COL26A1: variants seen among roughly 807,000 people sequenced by gnomAD.
The protein encoded by COL26A1 is collagen alpha-1(XXVI) chain.
Under a neutral mutation model 59.3 loss-of-function variants are expected in COL26A1, and 41 were observed. The observed-to-expected ratio is 0.69, with a 90% CI of 0.54 to 0.90. COL26A1 has a LOEUF of 0.90. Ranked by LOEUF, COL26A1 falls within the 40% of genes least tolerant of loss-of-function variation. The pLI is 0.00. For missense variants in COL26A1, 612 were observed against 602.3 expected (o/e 1.02, Z -0.17); for synonymous variants, 266 against 256.0 (o/e 1.04, Z -0.37).
intron 7 of COL26A1, among the ~76,000 whole-genome samples, chr7:101,546,618 G>A (rs1455083844): frequency 6.6e-6 from 1 of 152,152 alleles, no homozygotes; most frequent in Non-Finnish European, 1.5e-5. Context: ...TTGCCCTGGG[G>A]CCCTGGGTCT....
At chr7:101,424,200 G>A (rs530060676) in intron 2 of COL26A1, among the ~76,000 whole-genome samples, 71 of 151,516 alleles carry the variant, frequency 4.7e-4, no homozygotes, top group African/African-American at 1.7e-3. Flanking sequence ...GACCGTGTCT[G>A]AAAATAAATA....
At chr7:101,543,023 C>A (rs990106456) in intron 5 of COL26A1, among the ~76,000 whole-genome samples, 4 of 152,170 alleles carry the variant, frequency 2.6e-5, no homozygotes, top group Non-Finnish European at 4.4e-5. Context: ...CATGGTGACA[C>A]CTGCAGCCAA....
At chr7:101,411,623 C>G (rs1013619710) in intron 1 of COL26A1, among the ~76,000 whole-genome samples, 3 of 151,994 alleles carry the variant, frequency 2.0e-5, no homozygotes, top group African/African-American at 7.2e-5. Context: ...AGGAGCAAGT[C>G]GGGGTTGAAT....
At chr7:101,528,633 A>G (rs1440569844) in intron 3 of COL26A1, among the ~76,000 whole-genome samples, 1 of 151,554 alleles carries the variant, frequency 6.6e-6, no homozygotes, top group African/African-American at 2.4e-5. Context: ...CTGCAGCCTC[A>G]ACCTTCTGGA....
intron 3 of COL26A1, among the ~76,000 whole-genome samples, chr7:101,455,503 C>CTTTTTTT (rs10690062): frequency 1.0e-3 from 121 of 116,522 alleles, no homozygotes; most frequent in Non-Finnish European, 1.4e-3. Context: ...CTTTTCTTTT[C>CTTTTTTT]TTTTTTTTTT....
chr7:101,522,696 G>T (rs931283917), intron 3 of COL26A1, among the ~76,000 whole-genome samples: 1 of 152,054 alleles, frequency 6.6e-6, no homozygotes, highest in African/African-American at 2.4e-5. Context: ...GTCATAGAGC[G>T]GGCTTATATT....
intron 2 of COL26A1, among the ~76,000 whole-genome samples, chr7:101,434,068 C>G (rs1307788018): frequency 9.4e-6 from 1 of 106,810 alleles, no homozygotes; most frequent in Non-Finnish European, 1.9e-5. Context: ...CTCCCTCCCT[C>G]CCTCCCTCCC....
In COL26A1 at chr7:101,547,116, C is replaced by T. The variant is rs756446428; in HGVS notation, c.857-40C>T. Reference sequence around the variant, plus strand: ...GACCAGCCTCCCAGCACTGCCAGGTCTGCCCCACCAGACCCCTGGCCGCTC... The same window carrying T: ...GACCAGCCTCCCAGCACTGCCAGGTTTGCCCCACCAGACCCCTGGCCGCTC... On this transcript the variant is annotated intron_variant, in intron 7 of 12. Transcript: ENST00000313669. The T allele has an allele frequency of 2.5e-5, 37 of 1,458,420 alleles. No individual in the cohort carries two copies. The South Asian group carries it at 4.5e-4, about 18-fold the overall frequency. The allele number at this position is 1,458,420 out of a possible 1,614,324, so 90.3% of individuals were successfully genotyped here.
intron 11 of COL26A1, among the ~76,000 whole-genome samples, chr7:101,553,772 A>G (rs1162677736): frequency 6.6e-6 from 1 of 152,054 alleles, no homozygotes; most frequent in African/African-American, 2.4e-5. Context: ...TTACAAGGTC[A>G]AGGGTGCTGG....
Position 101,557,540 on chromosome 7 carries a change from G to C in COL26A1, c.*10G>C. On this transcript the variant is annotated 3_prime_UTR_variant, in exon 13 of 13. Transcript: ENST00000313669. ...CAGCAGCAGGAAGTGAGAGCCCACT[G>C]CTCCAGGACACCCTGTCCTGGCTAG... 6.2e-7 allele frequency: 1 copy of C among 1,600,564 alleles called. No individual in the cohort carries two copies. The highest frequency in any genetic ancestry group is 8.5e-7 in the Non-Finnish European group (1 of 1,171,048).
At chr7:101,534,486 A>C (rs1245917399) in intron 4 of COL26A1, among the ~76,000 whole-genome samples, 1 of 152,126 alleles carries the variant, frequency 6.6e-6, no homozygotes, top group African/African-American at 2.4e-5. Flanking sequence ...GGAGACACAC[A>C]TACATATATA....
chr7:101,557,663 T>C lies in COL26A1; in HGVS notation c.*133T>C. ...GGATGATTGTGAGGACATGGGGGGC[T>C]TTGGGGACAGATAATGTCTCCAGGG... On this transcript the variant is annotated 3_prime_UTR_variant, in exon 13 of 13. Coordinates refer to ENST00000313669, the MANE Select transcript of COL26A1 (RefSeq NM_001278563.3). The C allele has an allele frequency of 1.1e-6, 1 of 912,318 alleles. No homozygotes were observed. The highest frequency in any genetic ancestry group is 1.6e-6 in the Non-Finnish European group (1 of 627,158). 56.5% of individuals were successfully genotyped at this position (912,318 alleles called of 1,614,324 possible). A position where few individuals can be genotyped will look rare whatever the true frequency, so the allele number is the denominator to read the frequency against.
intron 3 of COL26A1, among the ~76,000 whole-genome samples, chr7:101,482,002 C>A (rs1480280467): frequency 6.6e-6 from 1 of 151,228 alleles, no homozygotes; most frequent in African/African-American, 2.4e-5. Flanking sequence ...ACACTAATAT[C>A]ATATGTACTC....
Position 101,441,651 on chromosome 7 carries a change from C to T in COL26A1, c.282-6033C>T, listed in dbSNP as rs139775607. Among the ~76,000 whole-genome samples the T allele has an allele frequency of 1.6e-4, 25 of 152,276 alleles. 2 individuals carry two copies. The highest frequency in any genetic ancestry group is 6.0e-4 in the African/African-American group (25 of 41,570). ...CTACTTTTATTGTTCTCATGACCATCTTCATCATTCCAAGTGTGGATTGAA... is the reference window on the plus strand; with the variant it reads ...CTACTTTTATTGTTCTCATGACCATTTTCATCATTCCAAGTGTGGATTGAA... On this transcript the variant is annotated intron_variant, in intron 2 of 12. Transcript: ENST00000313669.
intron 1 of COL26A1, among the ~76,000 whole-genome samples, chr7:101,415,152 C>T (rs952813272): frequency 1.4e-5 from 2 of 146,108 alleles, no homozygotes; most frequent in African/African-American, 4.9e-5. Context: ...ATCATAACCC[C>T]CCCCCTTTTT....
chr7:101,544,297 G>A (rs1051591301), intron 6 of COL26A1, among the ~76,000 whole-genome samples: 2 of 151,988 alleles, frequency 1.3e-5, no homozygotes, highest in East Asian at 1.9e-4. Flanking sequence ...ATGCCATCTC[G>A]GCTCATTGCC....
chr7:101,544,038 C>A lies in COL26A1; in HGVS notation c.645C>A (p.Pro215=). The A allele has an allele frequency of 6.2e-7, 1 of 1,600,080 alleles. No individual in the cohort carries two copies. Among genetic ancestry groups the A allele is most frequent in the East Asian group, 2.3e-5 (1 of 44,382 alleles). Residue 215 remains proline, a synonymous_variant, in exon 6 of 13, where the codon CCC becomes CCA. Transcript: ENST00000313669. The stretch of plus-strand genomic sequence containing the variant: ...CAGGACCACCAGGGCCTGCAGGCCC[C>A]CCCGGGTCTAAAGGTGACCGAGGCC... ...GQTGPPGPAG[P]PGSKGDRGQT...
Position 101,473,345 on chromosome 7 carries a change from G to C in COL26A1, c.385+25558G>C, listed in dbSNP as rs373887791. On this transcript the variant is annotated intron_variant, in intron 3 of 12. Coordinates refer to ENST00000313669, the MANE Select transcript of COL26A1 (RefSeq NM_001278563.3). ...CCCACCTCAGCCTCCCAAAATGCTG[G>C]GATTACAGGCGTGAGCCACTGCGCC... is the stretch of plus-strand genomic sequence containing the variant. Among the ~76,000 whole-genome samples, 31 of 152,128 alleles carry C rather than the reference G, an allele frequency of 2.0e-4. No individual in the cohort carries two copies. The East Asian group carries it at 5.2e-3, about 26-fold the overall frequency.
At chr7:101,387,342 C>T (rs565794945) in intron 1 of COL26A1, among the ~76,000 whole-genome samples, 13 of 148,112 alleles carry the variant, frequency 8.8e-5, no homozygotes, top group African/African-American at 3.0e-4. Flanking sequence ...GTGGTCAGCA[C>T]AGATGTTTAG....
Sources: allele counts gnomAD v4.1 joint callset (sites outside exome capture counted in the v4.1 genomes callset), GRCh38; gene constraint gnomAD v4.1.1; transcripts MANE v1.5; gene names NCBI Gene and HGNC (gene_info 2026-07-23, HGNC 2026-07-21).